The following RNPS1 variants were observed in gnomAD, a reference collection of about 807,000 sequenced individuals.
RNPS1 encodes RNA-binding protein with serine-rich domain 1.
For missense variants in RNPS1, 300 were observed against 427.6 expected (o/e 0.70, Z 2.63); for synonymous variants, 147 against 150.0 (o/e 0.98, Z 0.15).
At position 2,264,015 on chromosome 16, in the gene RNPS1, C is replaced by T. The variant is rs2093614472; in HGVS notation, c.227+161G>A. 12 of 832,834 alleles carry T rather than the reference C, an allele frequency of 1.4e-5. No individual in the cohort carries two copies. The South Asian group carries it at 2.1e-4, about 15-fold the overall frequency. 51.6% of individuals were successfully genotyped at this position (832,834 alleles called of 1,614,324 possible). A position where few individuals can be genotyped will look rare whatever the true frequency, so the allele number is the denominator to read the frequency against. ...AAAGTGCTGGGATTATAGGCATGAGCCACCACTGCACCTAGCCAGTCTGCC... is the reference window on the plus strand; with the variant it reads ...AAAGTGCTGGGATTATAGGCATGAGTCACCACTGCACCTAGCCAGTCTGCC... On this transcript the variant is annotated intron_variant, in intron 3 of 7. Coordinates refer to ENST00000320225, the MANE Select transcript of RNPS1 (RefSeq NM_080594.4).
chr16:2,266,533 C>A (rs1295686005), intron 1 of RNPS1: 2 of 969,760 alleles, frequency 2.1e-6, no homozygotes, highest in African/African-American at 1.8e-5. Context: ...ACAGTTCCAA[C>A]CTTATAGTTA....
chr16:2,254,337 G>A (rs9796949), intron 7 of RNPS1, among the ~76,000 whole-genome samples: 47,203 of 151,370 alleles, frequency 0.31, 9,035 homozygotes, highest in East Asian at 0.46. Context: ...TTGAGATGGG[G>A]TCTCACTCTG....
intron 1 of RNPS1, chr16:2,267,762 G>C (rs2093631112): frequency 9.7e-6 from 13 of 1,334,634 alleles, no homozygotes; most frequent in Non-Finnish European, 1.2e-5. Flanking sequence ...CAAGGGCGGA[G>C]GCCGCGCTCC....
intron 6 of RNPS1, among the ~76,000 whole-genome samples, chr16:2,260,320 T>TA: frequency 6.6e-6 from 1 of 152,104 alleles, no homozygotes; most frequent in African/African-American, 2.4e-5. Flanking sequence ...CATGCCCGGC[T>TA]AATTTTTGTA....
At chr16:2,263,738 G>T (rs970107740) in intron 3 of RNPS1, among the ~76,000 whole-genome samples, 1 of 151,884 alleles carries the variant, frequency 6.6e-6, no homozygotes, top group Admixed American at 6.6e-5. Flanking sequence ...TCAGCCTCCC[G>T]AGTAGCTGGG....
Position 2,268,081 on chromosome 16 carries a change from T to C in RNPS1, c.-144A>G, listed in dbSNP as rs371856042. On this transcript the variant is annotated 5_prime_UTR_variant, in exon 1 of 8. Coordinates refer to ENST00000320225, the MANE Select transcript of RNPS1 (RefSeq NM_080594.4). The stretch of plus-strand genomic sequence containing the variant: ...TCTTCCCGCCGCCGCCACCTCCTCC[T>C]GCTTTCCTCAGCCGCCGAGGCCGGC... 87 of 1,535,440 alleles carry C rather than the reference T, an allele frequency of 5.7e-5. No homozygotes were observed. The East Asian group carries it at 6.4e-4, about 11-fold the overall frequency.
intron 6 of RNPS1, chr16:2,257,695 CCAACAGCTGATGT>C (rs1409293356): frequency 1.3e-5 from 2 of 152,176 alleles, no homozygotes; most frequent in Admixed American, 1.3e-4. Flanking sequence ...ACTTACAAGG[CCAACAGCTGATGT>C]GAGCGCACAG....
Position 2,264,521 on chromosome 16 carries a change from C to T in RNPS1, c.71+52G>A, listed in dbSNP as rs115385019. 1,017 of 1,578,588 alleles carry T rather than the reference C, an allele frequency of 6.4e-4. 7 individuals carry two copies. In the African/African-American group the frequency reaches 0.013, roughly 20 times the overall value. On this transcript the variant is annotated intron_variant, in intron 2 of 7. Coordinates refer to ENST00000320225, the MANE Select transcript of RNPS1 (RefSeq NM_080594.4). Reference sequence around the variant, plus strand: ...TCAACTTTCCCCTTTCTGCGGGTCCCTAGCAGTAAGCACCCCCAAGTAGCA... The same window carrying T: ...TCAACTTTCCCCTTTCTGCGGGTCCTTAGCAGTAAGCACCCCCAAGTAGCA...
intron 1 of RNPS1, 154 bp downstream of exon 1, chr16:2,267,901 C>G: frequency 2.0e-6 from 3 of 1,533,380 alleles, no homozygotes; most frequent in Non-Finnish European, 2.6e-6. Context: ...CCGCCCGCCC[C>G]GGGCCACACT....
intron 6 of RNPS1, chr16:2,257,897 C>A (rs1020936737): frequency 1.3e-5 from 2 of 152,270 alleles, no homozygotes; most frequent in African/African-American, 4.8e-5. Context: ...CACTCCCCAC[C>A]AGGCCTGGCA....
In RNPS1 at chr16:2,255,696, G is replaced by T; in HGVS notation, c.707C>A (p.Thr236Asn). The T allele has an allele frequency of 6.2e-7, 1 of 1,613,880 alleles. No homozygotes were observed. Among genetic ancestry groups the T allele is most frequent in the East Asian group, 2.2e-5 (1 of 44,888 alleles). ...CCTAGGCCAGGGGGCCAGCACGGCG[G>T]TGGCAGTGATCTCCTGGCCATCAAT... Reference protein sequence around the residue: ...GQIDGQEITATAVLAPWPRPP... With the variant: ...GQIDGQEITANAVLAPWPRPP... The change falls in exon 7 of 8, where the codon ACC becomes AAC. Residue 236 changes from threonine (T) to asparagine (N), a missense_variant. Coordinates refer to ENST00000320225, the MANE Select transcript of RNPS1 (RefSeq NM_080594.4).
At chr16:2,256,014 A>T (rs1337082354) in intron 6 of RNPS1, 6 of 349,888 alleles carry the variant, frequency 1.7e-5, no homozygotes, top group South Asian at 1.3e-4. Flanking sequence ...AGTACCAGCT[A>T]CTCGGGAGGC....
At chr16:2,263,894 CTTTTT>C (rs763102791) in intron 3 of RNPS1, 9 of 207,516 alleles carry the variant, frequency 4.3e-5, no homozygotes, top group South Asian at 2.3e-4. Context: ...ACAAATTACT[CTTTTT>C]TTTTTTTTTT....
chr16:2,256,654 G>A lies in RNPS1; in HGVS notation c.677-928C>T, dbSNP rs2093579902. ...GTGCTGGGAAGGACCCAAAGCACTG[G>A]TGAGAGAAGGTAGCATCGAGAGCGA... On this transcript the variant is annotated intron_variant, in intron 6 of 7. Transcript: ENST00000320225. 2.0e-5 allele frequency: 3 copies of A among 152,420 alleles called. No individual in the cohort carries two copies. The South Asian group carries it at 6.2e-4, about 31-fold the overall frequency. 9.4% of individuals were successfully genotyped at this position (152,420 alleles called of 1,614,324 possible). A position where few individuals can be genotyped will look rare whatever the true frequency, so the allele number is the denominator to read the frequency against.
chr16:2,266,999 C>T (rs994676465), intron 1 of RNPS1: 2 of 277,436 alleles, frequency 7.2e-6, no homozygotes, highest in African/African-American at 2.3e-5. Flanking sequence ...GGAGGTCACA[C>T]CCGCAGATTC....
intron 1 of RNPS1, 174 bp downstream of exon 1, chr16:2,267,881 A>G: frequency 1.3e-6 from 2 of 1,511,192 alleles, no homozygotes; most frequent in Non-Finnish European, 8.8e-7. Context: ...CGGCCTCGAC[A>G]CCTCCCACTC....
intron 1 of RNPS1, chr16:2,266,088 G>A (rs1451442738): frequency 2.0e-6 from 2 of 983,842 alleles, no homozygotes; most frequent in Admixed American, 1.2e-4. Context: ...CAGGAATGGA[G>A]TCTCAGCTAC....
chr16:2,263,331 C>G, intron 3 of RNPS1, 44 bp from the exon 4 acceptor site: 3 of 1,599,298 alleles, frequency 1.9e-6, no homozygotes, highest in Middle Eastern at 1.7e-4. Flanking sequence ...CACCAAGTCT[C>G]ACAGTACAGA....
intron 6 of RNPS1, chr16:2,258,327 A>C (rs577211440): frequency 6.6e-6 from 1 of 152,250 alleles, no homozygotes; most frequent in African/African-American, 2.4e-5. Context: ...TAATCTACGC[A>C]TATTTGCTAA....
Sources: gnomAD v4.1 joint callset for allele counts (sites outside exome capture counted in the v4.1 genomes callset) on GRCh38, gnomAD v4.1.1 for gene constraint, MANE v1.5 for transcripts, NCBI Gene and HGNC (gene_info 2026-07-23, HGNC 2026-07-21) for gene names.